EMC1: variants seen among roughly 807,000 people sequenced by gnomAD.
EMC1 encodes the protein KIAA0090.
Under a neutral mutation model 128.8 loss-of-function variants are expected in EMC1, and 103 were observed. The ratio of observed to expected loss-of-function variants is 0.80; its 90% confidence interval spans 0.68 to 0.94. The LOEUF (loss-of-function observed/expected upper bound fraction) is 0.94, where lower values mean the gene tolerates loss of function less well. Ranked by LOEUF, EMC1 falls within the 40% of genes least tolerant of loss-of-function variation. The pLI is 0.00. For missense variants in EMC1, 1,083 were observed against 1,250.6 expected, an observed-to-expected ratio of 0.87 and a Z score of 2.02; for synonymous variants, 442 against 490.4, an observed-to-expected ratio of 0.90 and a Z score of 1.30.
intron 16 of EMC1, 105 bp downstream of exon 16, chr1:19,231,156 C>T (rs991368389): frequency 1.2e-5 from 16 of 1,388,634 alleles, no homozygotes; most frequent in African/African-American, 5.8e-5. Context: ...AGCCCAAACA[C>T]GTGCTGGGTG....
chr1:19,232,556 C>T, intron 15 of EMC1, 68 bp downstream of exon 15: 1 of 1,573,432 alleles, frequency 6.4e-7, no homozygotes, highest in Non-Finnish European at 8.7e-7. Context: ...GGCCTAGGAG[C>T]AATTTAAGTT....
intron 4 of EMC1, 32 bp downstream of exon 4, chr1:19,243,582 T>G: frequency 6.3e-7 from 1 of 1,578,178 alleles, no homozygotes; most frequent in Admixed American, 1.7e-5. Context: ...AGCCTTTAAC[T>G]CAGTCAAGAT....
At chr1:19,240,135 GA>G (rs1375379478) in intron 7 of EMC1, 150 bp from the exon 8 acceptor site, 1 of 1,192,292 alleles carries the variant, frequency 8.4e-7, no homozygotes, top group Non-Finnish European at 1.2e-6. Context: ...CCCCAAAGAG[GA>G]AAGTGACTGA....
rs764923888 is a variant in EMC1 at position 19,232,975 on chromosome 1, G to A, written c.1593C>T (p.Asn531=). ...TTACCATCACCATCATCTTCTGGAG[G>A]TTGAATTCATCTCTGGCCAGGGTGT... is the stretch of plus-strand genomic sequence containing the variant. ...NIDTLARDEF[N]LQKMMVMVTA... is the part of the protein sequence containing the mutation. Residue 531 remains asparagine (N), a synonymous_variant, in exon 14 of 23, where the codon AAC becomes AAT. Transcript: ENST00000477853. The A allele has an allele frequency of 3.1e-6, 5 of 1,614,146 alleles. No homozygotes were observed. In the South Asian group the frequency reaches 5.5e-5, roughly 18 times the overall value.
At position 19,216,139 on chromosome 1, in the gene EMC1, AGGAG is replaced by A. The variant is rs1291794327; in HGVS notation, c.*3160_*3163del. On this transcript the variant is annotated 3_prime_UTR_variant, in exon 23 of 23. Coordinates refer to ENST00000477853, the MANE Select transcript of EMC1 (RefSeq NM_015047.3). ...GTAATCCCGGCACTTTGGGAGGCTA[AGGAG>A]GGAGGATCACTTCAGCCCAGGTGTT... is the stretch of plus-strand genomic sequence containing the variant. 1.3e-5 allele frequency: 2 copies of A among 151,406 alleles called. No individual in the cohort carries two copies. The highest frequency in any genetic ancestry group is 3.2e-3 in the Middle Eastern group (1 of 316). 9.4% of individuals were successfully genotyped at this position (151,406 alleles called of 1,614,324 possible).
intron 12 of EMC1, 23 bp from the exon 13 acceptor site, chr1:19,235,275 G>A (rs1346826047): frequency 6.2e-7 from 1 of 1,605,526 alleles, no homozygotes; most frequent in Admixed American, 1.7e-5. Flanking sequence ...TTTTTACAAA[G>A]CTAAGCCTGG....
At chr1:19,242,500 G>GCCCACACCT (rs758825289) in intron 4 of EMC1, 27 bp from the exon 5 acceptor site, 57 of 1,613,380 alleles carry the variant, frequency 3.5e-5, no homozygotes, top group Non-Finnish European at 4.5e-5. Flanking sequence ...GTTGAGAGCA[G>GCCCACACCT]CCCACACCTG....
At chr1:19,243,501 G>A in intron 4 of EMC1, 113 bp downstream of exon 4, 1 of 890,586 alleles carries the variant, frequency 1.1e-6, no homozygotes, top group Non-Finnish European at 1.9e-6. Context: ...TCAATGGCTG[G>A]CTCTTCAGTG....
chr1:19,238,053 T>C lies in EMC1; in HGVS notation c.1176A>G (p.Thr392=). Residue 392 remains threonine, a synonymous_variant, in exon 11 of 23, where the codon ACA becomes ACG. Coordinates refer to ENST00000477853, the MANE Select transcript of EMC1 (RefSeq NM_015047.3). ...TGRRLLDTTI[T]FSLEQSGTRP... is the part of the protein sequence containing the mutation. ...GAGTGCCGCTCTGTTCCAGGCTAAA[T>C]GTTATCGTGGTGTCCAGCAGCCGCC... is the stretch of plus-strand genomic sequence containing the variant. 2 of 1,614,046 alleles carry C rather than the reference T, an allele frequency of 1.2e-6. No homozygotes were observed. The highest frequency in any genetic ancestry group is 1.7e-6 in the Non-Finnish European group (2 of 1,179,988).
chr1:19,238,130 C>T lies in EMC1; in HGVS notation c.1099G>A (p.Ala367Thr). Residue 367 changes from alanine (A) to threonine (T), a missense_variant, in exon 11 of 23, where the codon GCT becomes ACT. By Grantham distance (58) the Ala-to-Thr change is moderately conservative. Around this residue, in one of 3 missense-constraint regions of EMC1, gnomAD observed 544 missense variants for 572.4 expected, o/e 0.95. Transcript: ENST00000477853. ...ATGGTGTAGGTCTGATTGAAGCAAG[C>T]CAGAGAGTCCTAGGAGTACAGACAG... ...SEKSSSKDSLACFNQTYTINL... is the reference protein window; with the variant it reads ...SEKSSSKDSLTCFNQTYTINL... The T allele has an allele frequency of 6.2e-6, 10 of 1,613,756 alleles. No individual in the cohort carries two copies. Among genetic ancestry groups the T allele is most frequent in the South Asian group, 2.2e-5 (2 of 91,040 alleles).
intron 21 of EMC1, 86 bp from the exon 22 acceptor site, chr1:19,219,784 C>T (rs1403756287): frequency 2.1e-5 from 32 of 1,506,568 alleles, no homozygotes; most frequent in Non-Finnish European, 2.9e-5. Flanking sequence ...GGGAGGTTTC[C>T]AGGCTACATA....
At chr1:19,238,237 G>A (rs556627815) in intron 10 of EMC1, 98 bp from the exon 11 acceptor site, 37 of 1,394,374 alleles carry the variant, frequency 2.7e-5, no homozygotes, top group Middle Eastern at 1.8e-4. Context: ...CCTAGAGAAG[G>A]AGCCAGGCCA....
In EMC1 at chr1:19,227,384, T is replaced by C; in HGVS notation, c.2131A>G (p.Lys711Glu). ...ACGTGCTCACTGCTGCGTTTCCCCT[T>C]CACCTTGACGATCCGCTGTACTTCT... ...PPEVQRIVKV[K>E]GKRSSEHVHS... The change falls in exon 18 of 23, where the codon AAG becomes GAG. Residue 711 changes from lysine (K) to glutamate (E), a missense_variant. By Grantham distance (56) the Lys-to-Glu change is moderately conservative (BLOSUM62 1). Coordinates refer to ENST00000477853, the MANE Select transcript of EMC1 (RefSeq NM_015047.3). 6.2e-7 allele frequency: 1 copy of C among 1,614,184 alleles called. No homozygotes were observed.
intron 18 of EMC1, 47 bp downstream of exon 18, chr1:19,227,266 C>G: frequency 6.2e-7 from 1 of 1,608,998 alleles, no homozygotes; most frequent in Non-Finnish European, 8.5e-7. Context: ...CCTTGTTTTC[C>G]TGATTCGAAA....
intron 13 of EMC1, among the ~76,000 whole-genome samples, chr1:19,234,467 T>C (rs1254570030): frequency 6.6e-6 from 1 of 152,200 alleles, no homozygotes; most frequent in Non-Finnish European, 1.5e-5. Context: ...CAGACAGATA[T>C]GGCTGCTGCT....
chr1:19,251,471 A>T lies in EMC1; in HGVS notation c.39T>A (p.Ala13=). ...AEWASRFWLW[A]TLLIPAAAVY... ...CCGCGGCCGCAGGAATCAGCAGCGTAGCCCAAAGCCAGAAACGAGAAGCCC... is the reference window on the plus strand; with the variant it reads ...CCGCGGCCGCAGGAATCAGCAGCGTTGCCCAAAGCCAGAAACGAGAAGCCC... The change falls in exon 1 of 23, where the codon GCT becomes GCA. Residue 13 remains alanine, a synonymous_variant. Transcript: ENST00000477853. The T allele has an allele frequency of 1.2e-6, 2 of 1,614,196 alleles. No individual in the cohort carries two copies. The highest frequency in any genetic ancestry group is 1.7e-6 in the Non-Finnish European group (2 of 1,180,050).
chr1:19,220,868 T>A lies in EMC1; in HGVS notation c.2588-20A>T. ...GTCCAACTACACAGGAGGAAGTGAA[T>A]GTTCACACCGATCCAGTGTCCAGCA... On this transcript the variant is annotated intron_variant, in intron 20 of 22. Coordinates refer to ENST00000477853, the MANE Select transcript of EMC1 (RefSeq NM_015047.3). The A allele has an allele frequency of 6.4e-7, 1 of 1,558,976 alleles. No individual in the cohort carries two copies. The highest frequency in any genetic ancestry group is 8.8e-7 in the Non-Finnish European group (1 of 1,132,248).
At chr1:19,230,764 A>G (rs2093515024) in intron 17 of EMC1, 80 bp downstream of exon 17, 1 of 1,552,180 alleles carries the variant, frequency 6.4e-7, no homozygotes, top group Non-Finnish European at 8.8e-7. Flanking sequence ...AATGAGTAGC[A>G]TAATTCACTT....
At position 19,241,148 on chromosome 1, in the gene EMC1, A is replaced by G. The variant is rs917583032; in HGVS notation, c.510-6T>C. The G allele has an allele frequency of 6.2e-7, 1 of 1,613,840 alleles. No individual in the cohort carries two copies. The highest frequency in any genetic ancestry group is 2.2e-5 in the East Asian group (1 of 44,868). ...TCTGGTAGTGGATGCTGTCACTAAG[A>G]GAGGGAAGAAGAAACCGCAGCGTCA... is the stretch of plus-strand genomic sequence containing the variant. On this transcript the variant is annotated splice_region_variant and splice_polypyrimidine_tract_variant and intron_variant, in intron 5 of 22. Transcript: ENST00000477853.
Sources: allele counts gnomAD v4.1 joint callset (sites outside exome capture counted in the v4.1 genomes callset), GRCh38; gene constraint gnomAD v4.1.1; regional missense constraint gnomAD v4.1.1; transcripts MANE v1.5; gene names NCBI Gene and HGNC (gene_info 2026-07-23, HGNC 2026-07-21).